MMP11: variants seen among roughly 807,000 people sequenced by gnomAD.
The protein encoded by MMP11 is matrix metallopeptidase 11, also known as stromelysin-3.
Under a neutral mutation model 49.5 loss-of-function variants are expected in MMP11, and 26 were observed. That is an observed-to-expected ratio of 0.52 (90% CI 0.38 to 0.73). The LOEUF is 0.73. MMP11 is among the 30% of genes least tolerant of loss of function. MMP11 has a pLI of 0.00. For missense variants in MMP11, 624 were observed against 671.2 expected (o/e 0.93, Z 0.78); for synonymous variants, 265 against 282.3 (o/e 0.94, Z 0.62).
Position 23,779,411 on chromosome 22 carries a change from C to T in MMP11, c.333C>T (p.Thr111=). Residue 111 remains threonine (T), a synonymous_variant, in exon 2 of 8, where the codon ACC becomes ACT. Coordinates refer to ENST00000215743, the MANE Select transcript of MMP11 (RefSeq NM_005940.5). ...GGCGCTGGGAGAAGACGGACCTCAC[C>T]TACAGGTAGGGGCCTGGGAGCAGGA... The part of the protein sequence containing the change: ...SGGRWEKTDL[T]YRILRFPWQL... 1 of 1,610,560 alleles carries T rather than the reference C, an allele frequency of 6.2e-7. No homozygotes were observed. Among genetic ancestry groups the T allele is most frequent in the Non-Finnish European group, 8.5e-7 (1 of 1,178,806 alleles).
chr22:23,776,354 G>A (rs550882387), intron 1 of MMP11, among the ~76,000 whole-genome samples: 1 of 152,222 alleles, frequency 6.6e-6, no homozygotes, highest in African/African-American at 2.4e-5. Flanking sequence ...TGTTTCTCCT[G>A]TAAGTCAAGG....
intron 7 of MMP11, among the ~76,000 whole-genome samples, chr22:23,782,795 G>A (rs1927689270): frequency 6.6e-6 from 1 of 152,240 alleles, no homozygotes; most frequent in African/African-American, 2.4e-5. Flanking sequence ...CCAGTTCTCA[G>A]AACAGCCCTC....
chr22:23,780,426 G>C lies in MMP11; in HGVS notation c.406G>C (p.Val136Leu). 1 of 1,614,042 alleles carries C rather than the reference G, an allele frequency of 6.2e-7. No homozygotes were observed. The highest frequency in any genetic ancestry group is 8.5e-7 in the Non-Finnish European group (1 of 1,180,032). The change falls in exon 3 of 8, where the codon GTA (valine) becomes CTA (leucine). Residue 136 changes from valine to leucine, a missense_variant. By Grantham distance (32) the Val-to-Leu change is conservative. Coordinates refer to ENST00000215743, the MANE Select transcript of MMP11 (RefSeq NM_005940.5). This position sits in a 1 kb window ranked among gnomAD's most constrained non-coding sequence, Gnocchi z 4.6. Reference protein sequence around the residue: ...VRQTMAEALKVWSDVTPLTFT... With the variant: ...VRQTMAEALKLWSDVTPLTFT... ...GCAGACGATGGCAGAGGCCCTAAAG[G>C]TATGGAGCGATGTGACGCCACTCAC...
rs1210612191 is a variant in MMP11, at chr22:23,780,445, C to T, written c.425C>T (p.Pro142Leu). 1 of 1,614,082 alleles carries T rather than the reference C, an allele frequency of 6.2e-7. No individual in the cohort carries two copies. Among genetic ancestry groups the T allele is most frequent in the South Asian group, 1.1e-5 (1 of 91,090 alleles). Residue 142 changes from proline to leucine, a missense_variant, in exon 3 of 8, where the codon CCA (proline) becomes CTA (leucine). Coordinates refer to ENST00000215743, the MANE Select transcript of MMP11 (RefSeq NM_005940.5). The surrounding 1 kb of genome is among the most constrained non-coding windows in gnomAD (Gnocchi z 4.6). Reference protein sequence around the residue: ...EALKVWSDVTPLTFTEVHEGR... With the variant: ...EALKVWSDVTLLTFTEVHEGR... The stretch of plus-strand genomic sequence containing the variant: ...CTAAAGGTATGGAGCGATGTGACGC[C>T]ACTCACCTTTACTGAGGTGCACGAG...
At position 23,781,010 on chromosome 22, in the gene MMP11, A is replaced by G. The variant is rs779623747; in HGVS notation, c.768A>G (p.Leu256=). 2 of 1,612,996 alleles carry G rather than the reference A, an allele frequency of 1.2e-6. No individual in the cohort carries two copies. Among genetic ancestry groups the G allele is most frequent in the Non-Finnish European group, 1.7e-6 (2 of 1,179,990 alleles). ...ATGACTGCAGGGGCGTTCAACACCT[A>G]TATGGCCAGCCCTGGCCCACTGTCA... is the stretch of plus-strand genomic sequence containing the variant. ...SPDDCRGVQH[L]YGQPWPTVTS... is the part of the protein sequence containing the mutation. Residue 256 remains leucine (L), a synonymous_variant, in exon 5 of 8, where the codon CTA becomes CTG. Transcript: ENST00000215743.
intron 7 of MMP11, 84 bp from the exon 8 acceptor site, chr22:23,783,327 A>G (rs1927710812): frequency 1.3e-6 from 2 of 1,537,662 alleles, no homozygotes; most frequent in African/African-American, 1.4e-5. Flanking sequence ...GCCCTCCCTT[A>G]GTGCCCATCC....
Position 23,779,237 on chromosome 22 carries a change from A to T in MMP11, c.159A>T (p.Ala53=). ...AERRGPQPWH[A]ALPSSPAPAP... ...GGAGGGGGCCACAGCCCTGGCATGC[A>T]GCCCTGCCCAGTAGCCCGGCACCTG... The change falls in exon 2 of 8, where the codon GCA becomes GCT. Residue 53 remains alanine (A), a synonymous_variant. Transcript: ENST00000215743. 6.2e-7 allele frequency: 1 copy of T among 1,608,682 alleles called. No homozygotes were observed. Among genetic ancestry groups the T allele is most frequent in the East Asian group, 2.2e-5 (1 of 44,740 alleles).
In MMP11 at chr22:23,783,877, G is replaced by A. The variant is rs1601377446; in HGVS notation, c.*333G>A. 2.8e-6 allele frequency: 1 copy of A among 353,778 alleles called. No individual in the cohort carries two copies. The allele number at this position is 353,778 out of a possible 1,614,324, so 21.9% of individuals were successfully genotyped here. ...AGGGTAGCACCATGGCAGGACTGGGGGAACTGGAGTGTCCTTGCTGTATCC... is the reference window on the plus strand; with the variant it reads ...AGGGTAGCACCATGGCAGGACTGGGAGAACTGGAGTGTCCTTGCTGTATCC... On this transcript the variant is annotated 3_prime_UTR_variant, in exon 8 of 8. Coordinates refer to ENST00000215743, the MANE Select transcript of MMP11 (RefSeq NM_005940.5).
chr22:23,779,501 C>T, intron 2 of MMP11, 85 bp downstream of exon 2: 2 of 1,205,686 alleles, frequency 1.7e-6, no homozygotes, highest in South Asian at 1.4e-5. Flanking sequence ...GCTTGAGACA[C>T]AGGCCAGGGT....
rs1237407456 is a variant in MMP11, at chr22:23,783,896, T to A, written c.*352T>A. 1 of 293,702 alleles carries A rather than the reference T, an allele frequency of 3.4e-6. No individual in the cohort carries two copies. Among genetic ancestry groups the A allele is most frequent in the African/African-American group, 2.1e-5 (1 of 47,634 alleles). The allele number at this position is 293,702 out of a possible 1,614,324, so 18.2% of individuals were successfully genotyped here. ...ACTGGGGGAACTGGAGTGTCCTTGC[T>A]GTATCCCTGTTGTGAGGTTCCTTCC... On this transcript the variant is annotated 3_prime_UTR_variant, in exon 8 of 8. Transcript: ENST00000215743.
Position 23,780,605 on chromosome 22 carries a change from CGTTTGATGGG to C in MMP11, c.507_516del (p.Phe170LeufsTer60). On this transcript the variant is annotated frameshift_variant, in exon 4 of 8. Coordinates refer to ENST00000215743, the MANE Select transcript of MMP11 (RefSeq NM_005940.5). LOFTEE classifies it high-confidence loss of function. The surrounding 1 kb of genome is among the most constrained non-coding windows in gnomAD (Gnocchi z 4.6). ...AGGTACTGGCATGGGGACGACCTGC[CGTTTGATGGG>C]CCTGGGGGCATCCTGGCCCATGCCT... 6.3e-7 allele frequency: 1 copy of C among 1,596,934 alleles called. No homozygotes were observed. The highest frequency in any genetic ancestry group is 8.5e-7 in the Non-Finnish European group (1 of 1,170,794).
chr22:23,783,655 A>C lies in MMP11; in HGVS notation c.*111A>C. On this transcript the variant is annotated 3_prime_UTR_variant, in exon 8 of 8. Coordinates refer to ENST00000215743, the MANE Select transcript of MMP11 (RefSeq NM_005940.5). The stretch of plus-strand genomic sequence containing the variant: ...GGGCACCAGGCATGGGACTGAGCCC[A>C]TGTCTCCTCAGGGGGATGGGGTGGG... 3 of 1,446,462 alleles carry C rather than the reference A, an allele frequency of 2.1e-6. No individual in the cohort carries two copies. Among genetic ancestry groups the C allele is most frequent in the Non-Finnish European group, 2.9e-6 (3 of 1,044,852 alleles). 89.6% of individuals were successfully genotyped at this position (1,446,462 alleles called of 1,614,324 possible).
Position 23,784,175 on chromosome 22 carries a change from C to G in MMP11, c.*631C>G, listed in dbSNP as rs944339015. ...GGCTGCAACATACCTCAATCCTGTC[C>G]CAGGCCGGATCCTCCTGAAGCCCTT... On this transcript the variant is annotated 3_prime_UTR_variant, in exon 8 of 8. Coordinates refer to ENST00000215743, the MANE Select transcript of MMP11 (RefSeq NM_005940.5). The G allele has an allele frequency of 6.4e-6, 1 of 156,032 alleles. No individual in the cohort carries two copies. The highest frequency in any genetic ancestry group is 1.4e-5 in the Non-Finnish European group (1 of 69,976). The allele number at this position is 156,032 out of a possible 1,614,324, so 9.7% of individuals were successfully genotyped here. A position where few individuals can be genotyped will look rare whatever the true frequency, so the allele number is the denominator to read the frequency against.
Position 23,780,525 on chromosome 22 carries a change from C to G in MMP11, c.482+23C>G, listed in dbSNP as rs753565142. 6.2e-7 allele frequency: 1 copy of G among 1,613,212 alleles called. No individual in the cohort carries two copies. The highest frequency in any genetic ancestry group is 1.7e-5 in the Admixed American group (1 of 60,026). ...CAGGTGAATGGGCGGCCTGGGACCC[C>G]TCCGGGAACAGCCTCGCCTGCCAGC... On this transcript the variant is annotated intron_variant, in intron 3 of 7. Coordinates refer to ENST00000215743, the MANE Select transcript of MMP11 (RefSeq NM_005940.5). The surrounding 1 kb of genome is among the most constrained non-coding windows in gnomAD (Gnocchi z 4.6).
Position 23,780,530 on chromosome 22 carries a change from G to A in MMP11, c.482+28G>A, listed in dbSNP as rs1172044363. On this transcript the variant is annotated intron_variant, in intron 3 of 7. Coordinates refer to ENST00000215743, the MANE Select transcript of MMP11 (RefSeq NM_005940.5). This position sits in a 1 kb window ranked among gnomAD's most constrained non-coding sequence, Gnocchi z 4.6. ...GAATGGGCGGCCTGGGACCCCTCCG[G>A]GAACAGCCTCGCCTGCCAGCAGCCA... 9 of 1,612,930 alleles carry A rather than the reference G, an allele frequency of 5.6e-6. No homozygotes were observed. Among genetic ancestry groups the A allele is most frequent in the Non-Finnish European group, 7.6e-6 (9 of 1,179,676 alleles).
chr22:23,779,384 C>A lies in MMP11; in HGVS notation c.306C>A (p.Gly102=), dbSNP rs369625186. The change falls in exon 2 of 8, where the codon GGC becomes GGA. Residue 102 remains glycine (G), a synonymous_variant. Transcript: ENST00000215743. ...RNRQKRFVLS[G]GRWEKTDLTY... ...GACAGAAGAGGTTCGTGCTTTCTGG[C>A]GGGCGCTGGGAGAAGACGGACCTCA... is the stretch of plus-strand genomic sequence containing the variant. 6.2e-7 allele frequency: 1 copy of A among 1,612,508 alleles called. No individual in the cohort carries two copies. The highest frequency in any genetic ancestry group is 1.3e-5 in the African/African-American group (1 of 74,902).
In MMP11 at chr22:23,780,400, G is replaced by A. The variant is rs140618726; in HGVS notation, c.380G>A (p.Arg127Gln). Residue 127 changes from arginine (R) to glutamine (Q), a missense_variant, in exon 3 of 8, where the codon CGG (arginine) becomes CAG (glutamine). Arg to Gln is a conservative substitution (Grantham distance 43). Coordinates refer to ENST00000215743, the MANE Select transcript of MMP11 (RefSeq NM_005940.5). The surrounding 1 kb of genome is among the most constrained non-coding windows in gnomAD (Gnocchi z 4.6). ...TGGCAGTTGGTGCAGGAGCAGGTGC[G>A]GCAGACGATGGCAGAGGCCCTAAAG... ...FPWQLVQEQV[R>Q]QTMAEALKVW... The A allele has an allele frequency of 1.3e-3, 2,126 of 1,613,588 alleles. 13 individuals carry two copies. Among genetic ancestry groups the A allele is most frequent in the Middle Eastern group, 9.2e-3 (52 of 5,678 alleles).
At position 23,780,388 on chromosome 22, in the gene MMP11, A is replaced by T. The variant is rs1416315091; in HGVS notation, c.368A>T (p.Gln123Leu). Residue 123 changes from glutamine (Q) to leucine (L), a missense_variant, in exon 3 of 8, where the codon CAG becomes CTG. Gln to Leu is a moderately radical substitution (Grantham distance 113, BLOSUM62 -2). Coordinates refer to ENST00000215743, the MANE Select transcript of MMP11 (RefSeq NM_005940.5). This position sits in a 1 kb window ranked among gnomAD's most constrained non-coding sequence, Gnocchi z 4.6. ...RILRFPWQLV[Q>L]EQVRQTMAEA... ...CTTCGGTTCCCATGGCAGTTGGTGC[A>T]GGAGCAGGTGCGGCAGACGATGGCA... 2 of 1,613,476 alleles carry T rather than the reference A, an allele frequency of 1.2e-6. No individual in the cohort carries two copies. Among genetic ancestry groups the T allele is most frequent in the Non-Finnish European group, 1.7e-6 (2 of 1,180,026 alleles).
chr22:23,777,029 G>A (rs915941635), intron 1 of MMP11, among the ~76,000 whole-genome samples: 4 of 150,578 alleles, frequency 2.7e-5, no homozygotes, highest in African/African-American at 7.3e-5. Flanking sequence ...GGATGGTCTC[G>A]ATCTCCTGAC....
Sources: allele counts gnomAD v4.1 joint callset (sites outside exome capture counted in the v4.1 genomes callset), GRCh38; gene constraint gnomAD v4.1.1; non-coding constraint Gnocchi (gnomAD v3.1); transcripts MANE v1.5; gene names NCBI Gene and HGNC (gene_info 2026-07-23, HGNC 2026-07-21).